Variants in MAP4K4 observed in about 807,000 individuals in gnomAD.
MAP4K4 encodes mitogen-activated protein kinase kinase kinase kinase 4, also known as HPK/GCK-like kinase HGK.
Under a neutral mutation model 189.6 loss-of-function variants are expected in MAP4K4, and 38 were observed. The ratio of observed to expected loss-of-function variants is 0.20; its 90% CI spans 0.15 to 0.26. The LOEUF (loss-of-function observed/expected upper bound fraction) is 0.26. MAP4K4 is among the 10% of genes least tolerant of loss of function. The pLI, the probability that MAP4K4 is intolerant of heterozygous loss-of-function variation, is 1.00. For missense variants in MAP4K4, 1,054 were observed against 1,726.9 expected, an observed-to-expected ratio of 0.61 and a Z score of 6.91; for synonymous variants, 610 against 624.3, an observed-to-expected ratio of 0.98 and a Z score of 0.34.
chr2:101,820,073 G>T (rs76001830), intron 3 of MAP4K4, among the ~76,000 whole-genome samples: 6 of 152,336 alleles, frequency 3.9e-5, no homozygotes, highest in African/African-American at 1.4e-4. Flanking sequence ...GAGTGCTCTT[G>T]ACTCTTTCTT....
Position 101,718,187 on chromosome 2 carries a change from C to CA in MAP4K4, c.123+19650dup, listed in dbSNP as rs199552633. Among the ~76,000 whole-genome samples the CA allele has an allele frequency of 9.5e-3, 1,424 of 149,150 alleles. 21 individuals are homozygous for CA. The highest frequency in any genetic ancestry group is 0.028 in the African/African-American group (1,133 of 40,368). ...AGGAGAATCACTTGAACCTGGGAGG[C>CA]AGAGGTTGCGGTGAGCCAAGATCGC... On this transcript the variant is annotated intron_variant, in intron 2 of 32. Coordinates refer to ENST00000324219, the Ensembl canonical transcript of MAP4K4.
intron 2 of MAP4K4, among the ~76,000 whole-genome samples, chr2:101,760,558 G>GTA (rs1491219859): frequency 4.3e-5 from 6 of 140,422 alleles, no homozygotes; most frequent in Non-Finnish European, 7.7e-5. Context: ...GTGTGTGTGT[G>GTA]TATATGTATT....
chr2:101,804,954 A>G (rs2094770422), intron 3 of MAP4K4, among the ~76,000 whole-genome samples: 1 of 151,598 alleles, frequency 6.6e-6, no homozygotes, highest in East Asian at 1.9e-4. Context: ...CGTGACTGTA[A>G]TCCCAGCTAC....
chr2:101,759,484 CCCTCCCCTCT>C (rs1371848540), intron 2 of MAP4K4, among the ~76,000 whole-genome samples: 12 of 84,798 alleles, frequency 1.4e-4, no homozygotes, highest in African/African-American at 5.5e-4. Flanking sequence ...CTCTCCCCTC[CCCTCCCCTCT>C]CCTCCCCTCT....
At chr2:101,856,287 G>A in intron 13 of MAP4K4, 149 bp downstream of exon 13, 5 of 687,232 alleles carry the variant, frequency 7.3e-6, no homozygotes, top group Non-Finnish European at 1.2e-5. Context: ...GTATGAACGT[G>A]GTGAAACACA....
At chr2:101,788,339 T>A (rs745936201) in intron 2 of MAP4K4, among the ~76,000 whole-genome samples, 1 of 152,100 alleles carries the variant, frequency 6.6e-6, no homozygotes, top group Non-Finnish European at 1.5e-5. Context: ...CCTTATAGAC[T>A]CTCTGCACTT....
intron 18 of MAP4K4, among the ~76,000 whole-genome samples, chr2:101,865,337 C>CG (rs2097781060): frequency 6.6e-6 from 1 of 152,032 alleles, no homozygotes; most frequent in Admixed American, 6.6e-5. Context: ...GAATTGTGAT[C>CG]GGGGGGAGCT....
rs754185992 is a variant in MAP4K4, at chr2:101,698,532, C to T, written c.117C>T (p.Val39=). 5 of 1,613,648 alleles carry T rather than the reference C, an allele frequency of 3.1e-6. No individual in the cohort carries two copies. The South Asian group carries it at 3.3e-5, about 11-fold the overall frequency. Residue 39 remains valine (V), a synonymous_variant, in exon 2 of 33, where the codon GTC becomes GTT. Coordinates refer to ENST00000324219, the Ensembl canonical transcript of MAP4K4. The stretch of plus-strand genomic sequence containing the variant: ...TTGGAAATGGCACCTATGGACAAGT[C>T]TATAAGGTCGGTGTGGGCGCCTTCT...
At chr2:101,743,363 C>A (rs1024252916) in intron 2 of MAP4K4, among the ~76,000 whole-genome samples, 1 of 152,158 alleles carries the variant, frequency 6.6e-6, no homozygotes, top group African/African-American at 2.4e-5. Flanking sequence ...TGTAACAGAA[C>A]TGTGACCCTA....
At chr2:101,871,808 C>T in intron 24 of MAP4K4, 123 bp downstream of exon 24, 1 of 853,152 alleles carries the variant, frequency 1.2e-6, no homozygotes, top group Non-Finnish European at 1.8e-6. Context: ...CTTTCTCTGT[C>T]ACCTACCCTT....
chr2:101,864,934 C>G (rs1277385716), exon 18 of MAP4K4: 1 of 1,561,570 alleles, frequency 6.4e-7, no homozygotes, highest in African/African-American at 1.4e-5. Context: ...TTAAAGGTTC[C>G]TGTGAGAACA....
chr2:101,883,458 A>G (rs1025500251), intron 28 of MAP4K4, among the ~76,000 whole-genome samples: 8 of 152,122 alleles, frequency 5.3e-5, no homozygotes, highest in Non-Finnish European at 1.2e-4. Flanking sequence ...CAGCCTCCTG[A>G]ATAGTTGGGA....
chr2:101,858,117 A>G (rs1205507820), intron 13 of MAP4K4, among the ~76,000 whole-genome samples: 3 of 152,200 alleles, frequency 2.0e-5, no homozygotes, highest in African/African-American at 7.2e-5. Flanking sequence ...GAGATTTTGG[A>G]TGCTCATTTC....
At chr2:101,773,508 C>T (rs1056719051) in intron 2 of MAP4K4, among the ~76,000 whole-genome samples, 1 of 152,160 alleles carries the variant, frequency 6.6e-6, no homozygotes, top group Admixed American at 6.5e-5. Context: ...AGATGATGTT[C>T]TGATACAGGC....
intron 3 of MAP4K4, among the ~76,000 whole-genome samples, chr2:101,823,066 A>C (rs1439501199): frequency 6.6e-6 from 1 of 152,186 alleles, no homozygotes; most frequent in Non-Finnish European, 1.5e-5. Context: ...AAGGAACAGA[A>C]TGCCTACCTG....
chr2:101,812,530 G>T (rs943410444), intron 3 of MAP4K4, among the ~76,000 whole-genome samples: 1 of 152,068 alleles, frequency 6.6e-6, no homozygotes, highest in African/African-American at 2.4e-5. Flanking sequence ...TTAATGAACT[G>T]TTTTAAGACC....
chr2:101,804,707 G>A (rs1408783597), intron 3 of MAP4K4, among the ~76,000 whole-genome samples: 1 of 152,132 alleles, frequency 6.6e-6, no homozygotes, highest in Non-Finnish European at 1.5e-5. Context: ...GAGGGTAGCT[G>A]CGTTTACTTG....
chr2:101,867,788 T>C (rs2097859266), intron 20 of MAP4K4: 1 of 485,656 alleles, frequency 2.1e-6, no homozygotes, highest in Non-Finnish European at 3.6e-6. Context: ...CTTCTGCTTT[T>C]TGGTACCTGG....
intron 2 of MAP4K4, among the ~76,000 whole-genome samples, chr2:101,774,189 G>T (rs1182184484): frequency 1.2e-4 from 18 of 152,158 alleles, no homozygotes. Context: ...ACAGTGTATG[G>T]TTCCCTTTTC....
Sources: gnomAD v4.1 joint callset for allele counts (sites outside exome capture counted in the v4.1 genomes callset) on GRCh38, gnomAD v4.1.1 for gene constraint, MANE v1.5 for transcripts, NCBI Gene and HGNC (gene_info 2026-07-23, HGNC 2026-07-21) for gene names.